ZBTB43: variants seen among roughly 807,000 people sequenced by gnomAD.
The protein encoded by ZBTB43 is zinc finger and BTB domain containing 43.
Under a neutral mutation model 31.1 loss-of-function variants are expected in ZBTB43, and 6 were observed. That is an observed-to-expected ratio of 0.19 (90% CI 0.11 to 0.38). The LOEUF (loss-of-function observed/expected upper bound fraction) is 0.38, where lower values mean the gene tolerates loss of function less well. ZBTB43 is among the 10% of genes least tolerant of loss of function. ZBTB43 has a pLI of 1.00. For missense variants in ZBTB43, 379 were observed against 602.1 expected (o/e 0.63, Z 3.88); for synonymous variants, 212 against 221.7 (o/e 0.96, Z 0.39).
chr9:126,817,022 C>G (rs948416992), intron 2 of ZBTB43, among the ~76,000 whole-genome samples: 5 of 151,628 alleles, frequency 3.3e-5, no homozygotes, highest in Admixed American at 1.3e-4. Flanking sequence ...TGTTACTGAT[C>G]CCGTCAGAAT....
chr9:126,822,669 G>C (rs907109749), intron 2 of ZBTB43, among the ~76,000 whole-genome samples: 1 of 152,178 alleles, frequency 6.6e-6, no homozygotes, highest in Non-Finnish European at 1.5e-5. Flanking sequence ...GAGCCCAGGA[G>C]GTCAAGGCTG....
chr9:126,820,967 C>CAAAAAA (rs36023653), intron 2 of ZBTB43, among the ~76,000 whole-genome samples: 210 of 83,450 alleles, frequency 2.5e-3, no homozygotes, highest in African/African-American at 0.011. Context: ...ACCCCCATCT[C>CAAAAAA]AAAAAAAAAA....
In ZBTB43 at chr9:126,815,214, C is replaced by CTA. The variant is rs569378031; in HGVS notation, c.-24+6308_-24+6309dup. Among the ~76,000 whole-genome samples the CTA allele has an allele frequency of 2.6e-3, 283 of 109,732 alleles. 2 individuals carry two copies. Among genetic ancestry groups the CTA allele is most frequent in the African/African-American group, 8.9e-3 (261 of 29,218 alleles). 72.0% of individuals were successfully genotyped at this position (109,732 alleles called of 152,430 possible). ...TATATATAGTTTTCAATATATAAAA[C>CTA]TATATATATAGTTTTCAATATATAA... On this transcript the variant is annotated intron_variant, in intron 2 of 2. Transcript: ENST00000373464.
At chr9:126,826,167 C>T (rs1233227977) in intron 2 of ZBTB43, among the ~76,000 whole-genome samples, 1 of 151,870 alleles carries the variant, frequency 6.6e-6, no homozygotes, top group Non-Finnish European at 1.5e-5. Flanking sequence ...GCGCCCACCA[C>T]CACGCCCAGC....
chr9:126,825,398 C>G (rs530572151), intron 2 of ZBTB43, among the ~76,000 whole-genome samples: 2 of 152,240 alleles, frequency 1.3e-5, no homozygotes, highest in East Asian at 3.9e-4. Context: ...TTTGGCAGAG[C>G]TACCGTAACA....
At chr9:126,821,007 A>G (rs2032497464) in intron 2 of ZBTB43, among the ~76,000 whole-genome samples, 3 of 149,474 alleles carry the variant, frequency 2.0e-5, no homozygotes, top group Middle Eastern at 3.7e-3. Context: ...GTAAGGCTAT[A>G]GCTACTGTAG....
At chr9:126,807,145 A>G (rs1056383651) in intron 1 of ZBTB43, among the ~76,000 whole-genome samples, 7 of 152,212 alleles carry the variant, frequency 4.6e-5, no homozygotes, top group African/African-American at 1.7e-4. Context: ...CAACTGAATT[A>G]CTACTTTATT....
chr9:126,820,750 T>C (rs749797755), intron 2 of ZBTB43, among the ~76,000 whole-genome samples: 7 of 152,042 alleles, frequency 4.6e-5, no homozygotes, highest in Non-Finnish European at 7.4e-5. Flanking sequence ...GGCAGATTGC[T>C]TAAGCCTAGG....
rs771744088 is a variant in ZBTB43, at chr9:126,832,537, G to A, written c.28G>A (p.Val10Ile). The A allele has an allele frequency of 1.2e-6, 2 of 1,608,660 alleles. No individual in the cohort carries two copies. Among genetic ancestry groups the A allele is most frequent in the Non-Finnish European group, 1.7e-6 (2 of 1,175,356 alleles). Residue 10 changes from valine (V) to isoleucine (I), a missense_variant, in exon 3 of 3, where the codon GTA (valine) becomes ATA (isoleucine). Coordinates refer to ENST00000373464, the MANE Select transcript of ZBTB43 (RefSeq NM_014007.4). MEPGTNSFR[V>I]EFPDFSSTIL... is the part of the protein sequence containing the mutation. ...GGAGCCTGGAACAAACTCTTTTCGG[G>A]TAGAATTTCCTGATTTTTCCAGCAC...
Position 126,832,917 on chromosome 9 carries a change from T to C in ZBTB43, c.408T>C (p.His136=). 2 of 1,613,944 alleles carry C rather than the reference T, an allele frequency of 1.2e-6. No homozygotes were observed. The highest frequency in any genetic ancestry group is 1.7e-6 in the Non-Finnish European group (2 of 1,180,034). ...CAGTCCTTTGTCAGAAGCTAAATCA[T>C]GGCAGTGACCACCAGTCACCAAGCA... is the stretch of plus-strand genomic sequence containing the variant. ...NPTVLCQKLN[H]GSDHQSPSSS... Residue 136 remains histidine, a synonymous_variant, in exon 3 of 3, where the codon CAT becomes CAC. Coordinates refer to ENST00000373464, the MANE Select transcript of ZBTB43 (RefSeq NM_014007.4).
intron 2 of ZBTB43, among the ~76,000 whole-genome samples, chr9:126,810,579 C>T (rs867246002): frequency 4.2e-5 from 6 of 142,888 alleles, no homozygotes; most frequent in Admixed American, 2.3e-4. Flanking sequence ...TGGCTCACTG[C>T]GACCTCTGCC....
At chr9:126,827,369 A>G (rs1483218337) in intron 2 of ZBTB43, among the ~76,000 whole-genome samples, 1 of 152,198 alleles carries the variant, frequency 6.6e-6, no homozygotes, top group Non-Finnish European at 1.5e-5. Flanking sequence ...TTTGGAGGAC[A>G]AGGTCCTTCC....
At position 126,825,129 on chromosome 9, in the gene ZBTB43, C is replaced by A. The variant is rs141525434; in HGVS notation, c.-23-7358C>A. On this transcript the variant is annotated intron_variant, in intron 2 of 2. Coordinates refer to ENST00000373464, the MANE Select transcript of ZBTB43 (RefSeq NM_014007.4). The stretch of plus-strand genomic sequence containing the variant: ...CTGGCTATTGTATTTTTGGTAGAGA[C>A]AGGTTCTCACTATGTTGCCCAGGCT... Among the ~76,000 whole-genome samples, 89 of 152,084 alleles carry A rather than the reference C, an allele frequency of 5.9e-4. 1 individual carries two copies. The East Asian group carries it at 0.017, about 29-fold the overall frequency.
At chr9:126,827,536 G>C (rs1473606240) in intron 2 of ZBTB43, among the ~76,000 whole-genome samples, 2 of 152,180 alleles carry the variant, frequency 1.3e-5, no homozygotes, top group Admixed American at 1.3e-4. Flanking sequence ...TGGTTGCTGT[G>C]AGTGTCTGAT....
At chr9:126,809,884 A>G (rs143589393) in intron 2 of ZBTB43, among the ~76,000 whole-genome samples, 1,982 of 151,436 alleles carry the variant, frequency 0.013, 48 homozygotes, top group African/African-American at 0.046. Flanking sequence ...CGCCCAGGCT[A>G]GAGTGCAGTG....
Position 126,833,201 on chromosome 9 carries a change from T to C in ZBTB43, c.692T>C (p.Met231Thr), listed in dbSNP as rs140871297. 561 of 1,613,582 alleles carry C rather than the reference T, an allele frequency of 3.5e-4. No homozygotes were observed. The highest frequency in any genetic ancestry group is 4.5e-4 in the Non-Finnish European group (527 of 1,180,020). ...DSAEFHYTRPMYSKPSIMAHK... is the reference protein window; with the variant it reads ...DSAEFHYTRPTYSKPSIMAHK... ...GCCGAGTTCCACTACACCCGGCCCA[T>C]GTACAGCAAGCCCAGCATCATGGCT... The change falls in exon 3 of 3, where the codon ATG becomes ACG. Residue 231 changes from methionine to threonine, a missense_variant. Coordinates refer to ENST00000373464, the MANE Select transcript of ZBTB43 (RefSeq NM_014007.4). The surrounding 1 kb of genome is among the most constrained non-coding windows in gnomAD (Gnocchi z 7.9).
chr9:126,832,904 A>G lies in ZBTB43; in HGVS notation c.395A>G (p.Gln132Arg). Residue 132 changes from glutamine to arginine, a missense_variant, in exon 3 of 3, where the codon CAG (glutamine) becomes CGG (arginine). By Grantham distance (43) the Gln-to-Arg change is conservative. Around this residue, in one of 5 missense-constraint regions of ZBTB43, gnomAD observed 253 missense variants for 322.3 expected, o/e 0.79. Coordinates refer to ENST00000373464, the MANE Select transcript of ZBTB43 (RefSeq NM_014007.4). ...VLEGNPTVLC[Q>R]KLNHGSDHQS... ...GAGGGAAACCCTACAGTCCTTTGTC[A>G]GAAGCTAAATCATGGCAGTGACCAC... 1.9e-6 allele frequency: 3 copies of G among 1,613,998 alleles called. No homozygotes were observed. The highest frequency in any genetic ancestry group is 2.5e-6 in the Non-Finnish European group (3 of 1,180,028).
intron 2 of ZBTB43, among the ~76,000 whole-genome samples, chr9:126,822,354 G>A (rs990246497): frequency 1.3e-5 from 2 of 152,134 alleles, no homozygotes; most frequent in African/African-American, 4.8e-5. Context: ...AAGAAGTTCT[G>A]TGGGCAAAAT....
At chr9:126,817,216 A>G (rs1390817107) in intron 2 of ZBTB43, among the ~76,000 whole-genome samples, 1 of 136,662 alleles carries the variant, frequency 7.3e-6, no homozygotes. Flanking sequence ...TGTTCAAGAG[A>G]TTTCCCCTCT....
Sources: allele counts gnomAD v4.1 joint callset (sites outside exome capture counted in the v4.1 genomes callset), GRCh38; gene constraint gnomAD v4.1.1; regional missense constraint gnomAD v4.1.1; non-coding constraint Gnocchi (gnomAD v3.1); transcripts MANE v1.5; gene names NCBI Gene and HGNC (gene_info 2026-07-23, HGNC 2026-07-21).